The following LPP variants were observed in gnomAD, a reference collection of about 807,000 sequenced individuals.
LPP encodes the protein lipoma-preferred partner.
LPP carries 38 observed loss-of-function variants against 60.4 expected under a neutral mutation model. The observed-to-expected ratio is 0.63, with a 90% confidence interval of 0.49 to 0.83. The LOEUF (loss-of-function observed/expected upper bound fraction) is 0.83. LPP is among the 40% of genes least tolerant of loss of function. LPP has a pLI of 0.00. For missense variants in LPP, 902 were observed against 783.6 expected, an observed-to-expected ratio of 1.15 and a Z score of -1.80; for synonymous variants, 328 against 290.8, an observed-to-expected ratio of 1.13 and a Z score of -1.30.
intron 2 of LPP, chr3:188,240,300 A>G (rs531998937): frequency 1.8e-5 from 3 of 167,002 alleles, no homozygotes; most frequent in East Asian, 2.4e-4. Flanking sequence ...AGCTTGCCTA[A>G]CAAGGTTGTT....
intron 9 of LPP, among the ~76,000 whole-genome samples, chr3:188,795,294 C>T (rs1745001457): frequency 6.6e-6 from 1 of 152,184 alleles, no homozygotes; most frequent in African/African-American, 2.4e-5. Context: ...CTCTAGCAAA[C>T]ACATTTTTAA....
intron 9 of LPP, among the ~76,000 whole-genome samples, chr3:188,814,982 C>A (rs986528905): frequency 6.6e-6 from 1 of 152,182 alleles, no homozygotes; most frequent in African/African-American, 2.4e-5. Flanking sequence ...ATGTCTTCCT[C>A]CCTTTGGGTA....
At chr3:188,657,429 C>A (rs1853541810) in intron 7 of LPP, among the ~76,000 whole-genome samples, 1 of 151,728 alleles carries the variant, frequency 6.6e-6, no homozygotes, top group African/African-American at 2.4e-5. Context: ...CTATACTTGG[C>A]TTTCCTCGAC....
intron 2 of LPP, among the ~76,000 whole-genome samples, chr3:188,298,444 C>T (rs546150385): frequency 5.9e-5 from 9 of 152,244 alleles, no homozygotes; most frequent in Admixed American, 5.2e-4. Flanking sequence ...GTGATTGCTC[C>T]ACACAGCAAT....
intron 5 of LPP, among the ~76,000 whole-genome samples, 184 bp from the exon 6 acceptor site, chr3:188,524,481 A>G (rs926943845): frequency 2.0e-5 from 3 of 152,166 alleles, no homozygotes; most frequent in African/African-American, 7.2e-5. Context: ...TTCAGTTTTC[A>G]TATCTGTCAT....
At chr3:188,413,093 T>C (rs1785267179) in intron 4 of LPP, among the ~76,000 whole-genome samples, 1 of 152,184 alleles carries the variant, frequency 6.6e-6, no homozygotes, top group Admixed American at 6.6e-5. Context: ...TGTGAAGCCA[T>C]GTATCCTGGG....
chr3:188,389,864 C>G (rs1043957138), intron 3 of LPP, among the ~76,000 whole-genome samples: 2 of 150,882 alleles, frequency 1.3e-5, no homozygotes, highest in African/African-American at 4.9e-5. Context: ...TTGCCTGAAT[C>G]TTGTCTGAAC....
At chr3:188,210,762 T>C (rs1734478994) in intron 1 of LPP, among the ~76,000 whole-genome samples, 1 of 152,176 alleles carries the variant, frequency 6.6e-6, no homozygotes, top group Non-Finnish European at 1.5e-5. Flanking sequence ...CAGAAGCTCT[T>C]TTCCATGGAA....
rs535001464 is a variant in LPP, at chr3:188,338,873, G to C, written c.-66-2790G>C. ...CTTAGGGATGGTTACATTTTGTTGTGAGGTGTGGTGGAAAATTCAAAGGAC... is the reference window on the plus strand; with the variant it reads ...CTTAGGGATGGTTACATTTTGTTGTCAGGTGTGGTGGAAAATTCAAAGGAC... On this transcript the variant is annotated intron_variant, in intron 2 of 11. Transcript: ENST00000617246. Among the ~76,000 whole-genome samples the C allele has an allele frequency of 2.6e-5, 4 of 152,264 alleles. No homozygotes were observed. The South Asian group carries it at 8.3e-4, about 32-fold the overall frequency.
At chr3:188,407,698 G>A (rs559272616) in intron 4 of LPP, among the ~76,000 whole-genome samples, 30 of 151,540 alleles carry the variant, frequency 2.0e-4, no homozygotes, top group Admixed American at 1.8e-3. Flanking sequence ...CAGGGCTTGG[G>A]AATGGGATCT....
chr3:188,258,809 A>G (rs1341921481), intron 2 of LPP, among the ~76,000 whole-genome samples: 1 of 152,146 alleles, frequency 6.6e-6, no homozygotes, highest in African/African-American at 2.4e-5. Flanking sequence ...GACTCTATGA[A>G]CCCTCAATCT....
At chr3:188,791,810 T>A (rs1577580043) in intron 9 of LPP, among the ~76,000 whole-genome samples, 1 of 152,186 alleles carries the variant, frequency 6.6e-6, no homozygotes, top group Non-Finnish European at 1.5e-5. Flanking sequence ...GCTGCATGTC[T>A]CACTTCATAG....
chr3:188,272,390 C>T (rs550317883), intron 2 of LPP, among the ~76,000 whole-genome samples: 2 of 152,310 alleles, frequency 1.3e-5, no homozygotes, highest in South Asian at 4.1e-4. Context: ...AAACAGAATC[C>T]TCTTTGTGGG....
chr3:188,707,507 A>G (rs1046725079), intron 7 of LPP, among the ~76,000 whole-genome samples: 3 of 152,214 alleles, frequency 2.0e-5, no homozygotes, highest in Non-Finnish European at 4.4e-5. Flanking sequence ...ACACCAACCC[A>G]GTGTCAATGC....
intron 2 of LPP, among the ~76,000 whole-genome samples, chr3:188,243,525 G>A (rs531559958): frequency 5.6e-4 from 86 of 152,268 alleles, no homozygotes; most frequent in Non-Finnish European, 1.1e-3. Context: ...GAAATAAATC[G>A]TTTCTTTTTC....
At chr3:188,314,974 A>C (rs73192605) in intron 2 of LPP, among the ~76,000 whole-genome samples, 267 of 152,108 alleles carry the variant, frequency 1.8e-3, no homozygotes, top group Non-Finnish European at 2.8e-3. Context: ...AACGGAGTGA[A>C]GAAAGTTATT....
intron 9 of LPP, among the ~76,000 whole-genome samples, chr3:188,828,452 A>G (rs983015667): frequency 7.0e-6 from 1 of 142,690 alleles, no homozygotes; most frequent in African/African-American, 2.6e-5. Context: ...TAAAAATACA[A>G]AAAAAAAAAA....
chr3:188,260,537 A>G (rs1733216790), intron 2 of LPP, among the ~76,000 whole-genome samples: 1 of 151,988 alleles, frequency 6.6e-6, no homozygotes, highest in Non-Finnish European at 1.5e-5. Context: ...AGAAATTGTC[A>G]CTATTGTCAC....
Position 188,882,927 on chromosome 3 carries a change from A to C in LPP, c.*8448A>C, listed in dbSNP as rs1260824722. On this transcript the variant is annotated 3_prime_UTR_variant, in exon 12 of 12. Transcript: ENST00000617246. Reference sequence around the variant, plus strand: ...CTAATTTTTTTTGTACTTTTAGTAGAGACGGGGTTTCACCGTGGTCTCGAT... The same window carrying C: ...CTAATTTTTTTTGTACTTTTAGTAGCGACGGGGTTTCACCGTGGTCTCGAT... 5.5e-6 allele frequency: 1 copy of C among 182,706 alleles called. No homozygotes were observed. Among genetic ancestry groups the C allele is most frequent in the Non-Finnish European group, 1.2e-5 (1 of 85,974 alleles). The allele number at this position is 182,706 out of a possible 1,614,324, so 11.3% of individuals were successfully genotyped here.
Sources: gnomAD v4.1 joint callset for allele counts (sites outside exome capture counted in the v4.1 genomes callset) on GRCh38, gnomAD v4.1.1 for gene constraint, MANE v1.5 for transcripts, NCBI Gene and HGNC (gene_info 2026-07-23, HGNC 2026-07-21) for gene names.